The following CSRP1 variants were observed in gnomAD, a reference collection of about 807,000 sequenced individuals.
CSRP1 encodes the protein cysteine and glycine-rich protein 1.
CSRP1 carries 16 observed loss-of-function variants against 25.4 expected under a neutral mutation model. The observed-to-expected ratio is 0.63, with a 90% CI of 0.43 to 0.96. The LOEUF is 0.96. CSRP1 is among the 40% of genes least tolerant of loss of function. The pLI is 0.00. For synonymous variants in CSRP1, 97 were observed against 95.3 expected, an observed-to-expected ratio of 1.02 and a Z score of -0.10; for missense variants, 212 against 243.6, an observed-to-expected ratio of 0.87 and a Z score of 0.86.
chr1:201,496,009 G>T, intron 2 of CSRP1, 183 bp downstream of exon 2: 1 of 560,714 alleles, frequency 1.8e-6, no homozygotes, highest in Non-Finnish European at 3.2e-6. Context: ...CCCTTAGAAA[G>T]AAGCTTCTGA....
At chr1:201,494,509 T>A (rs1210751582) in intron 2 of CSRP1, among the ~76,000 whole-genome samples, 1 of 152,204 alleles carries the variant, frequency 6.6e-6, no homozygotes, top group African/African-American at 2.4e-5. Context: ...TAAACCTTGT[T>A]TACTCCCCAT....
intron 5 of CSRP1, among the ~76,000 whole-genome samples, 164 bp downstream of exon 5, chr1:201,485,119 C>T (rs570220193): frequency 2.0e-5 from 3 of 151,962 alleles, no homozygotes; most frequent in South Asian, 2.1e-4. Flanking sequence ...TTGCTTTCCC[C>T]CTCTGGTCTT....
At position 201,490,232 on chromosome 1, in the gene CSRP1, C is replaced by G. The variant is rs1472460805; in HGVS notation, c.225G>C (p.Gln75His). The change falls in exon 3 of 6, where the codon CAG becomes CAC. Residue 75 changes from glutamine to histidine, a missense_variant. Coordinates refer to ENST00000340006, the MANE Select transcript of CSRP1 (RefSeq NM_004078.3). ...KYGPKGYGYG[Q>H]GAGTLSTDKG... ...TGTCAGTGCTGAGGGTGCCTGCGCC[C>G]TGCCCGTAGCCATAGCCTTTGGGCC... The G allele has an allele frequency of 6.2e-7, 1 of 1,614,198 alleles. No individual in the cohort carries two copies. The highest frequency in any genetic ancestry group is 2.2e-5 in the East Asian group (1 of 44,874).
At chr1:201,498,404 G>A (rs1373665225) in intron 1 of CSRP1, among the ~76,000 whole-genome samples, 2 of 152,222 alleles carry the variant, frequency 1.3e-5, no homozygotes, top group African/African-American at 4.8e-5. Flanking sequence ...GGGAAATAAA[G>A]GGGCTGGGAG....
chr1:201,501,730 C>G (rs2102415588), intron 1 of CSRP1, among the ~76,000 whole-genome samples: 1 of 152,292 alleles, frequency 6.6e-6, no homozygotes, highest in African/African-American at 2.4e-5. Context: ...TGGTGGCTCA[C>G]GCCTGTAATC....
intron 1 of CSRP1, among the ~76,000 whole-genome samples, chr1:201,502,658 T>A (rs1165477912): frequency 6.6e-6 from 1 of 152,200 alleles, no homozygotes; most frequent in South Asian, 2.1e-4. Context: ...CCAGGCCCCA[T>A]GGGCCTCCAG....
At position 201,489,634 on chromosome 1, in the gene CSRP1, A is replaced by T. The variant is rs1664267000; in HGVS notation, c.281+542T>A. On this transcript the variant is annotated intron_variant, in intron 3 of 5. Transcript: ENST00000340006. ...CGACACTCACTAGCCGTGGGACCCC[A>T]GGCAAGTCACTGAGCCTGGGCTGGA... 6 of 155,564 alleles carry T rather than the reference A, an allele frequency of 3.9e-5. No homozygotes were observed. In the South Asian group the frequency reaches 1.2e-3, roughly 31 times the overall value. The allele number at this position is 155,564 out of a possible 1,614,324, so 9.6% of individuals were successfully genotyped here. A position where few individuals can be genotyped will look rare whatever the true frequency, so the allele number is the denominator to read the frequency against.
At chr1:201,485,182 C>A in intron 5 of CSRP1, 101 bp downstream of exon 5, 2 of 1,006,194 alleles carry the variant, frequency 2.0e-6, no homozygotes. Context: ...GATCTTGGAT[C>A]CCAAGGCCAG....
Position 201,483,787 on chromosome 1 carries a change from G to A in CSRP1, c.*926C>T. ...CTTGGGTTAAAGGGAAGATTCTGAG[G>A]TCTCAGGGCAAAGGGAAAGGTGTTT... On this transcript the variant is annotated 3_prime_UTR_variant, in exon 6 of 6. Coordinates refer to ENST00000340006, the MANE Select transcript of CSRP1 (RefSeq NM_004078.3). 2.0e-6 allele frequency: 1 copy of A among 493,696 alleles called. No individual in the cohort carries two copies. The highest frequency in any genetic ancestry group is 3.7e-6 in the Non-Finnish European group (1 of 271,928). The allele number at this position is 493,696 out of a possible 1,614,324, so 30.6% of individuals were successfully genotyped here.
chr1:201,487,151 C>G (rs1259922448), intron 4 of CSRP1: 1 of 438,988 alleles, frequency 2.3e-6, no homozygotes, highest in East Asian at 9.1e-5. Context: ...GTAGCTCACA[C>G]CTGTAATCCC....
intron 1 of CSRP1, among the ~76,000 whole-genome samples, chr1:201,497,676 A>C (rs1339885948): frequency 1.3e-5 from 2 of 152,176 alleles, no homozygotes. Context: ...GACCTTGGGC[A>C]AGATAGTCAG....
chr1:201,489,095 C>T (rs1344530825), intron 3 of CSRP1, 111 bp from the exon 4 acceptor site: 1 of 1,426,532 alleles, frequency 7.0e-7, no homozygotes, highest in African/African-American at 1.4e-5. Flanking sequence ...GCGCGCAATT[C>T]TCTCTGCCAA....
At chr1:201,502,780 A>G (rs1455464796) in intron 1 of CSRP1, among the ~76,000 whole-genome samples, 1 of 152,048 alleles carries the variant, frequency 6.6e-6, no homozygotes, top group Non-Finnish European at 1.5e-5. Flanking sequence ...AGGGCGGTAT[A>G]TGTCTCTCCC....
At position 201,484,172 on chromosome 1, in the gene CSRP1, C is replaced by T; in HGVS notation, c.*541G>A. The T allele has an allele frequency of 1.7e-6, 1 of 601,174 alleles. No individual in the cohort carries two copies. The highest frequency in any genetic ancestry group is 3.1e-6 in the Non-Finnish European group (1 of 325,526). The allele number at this position is 601,174 out of a possible 1,614,324, so 37.2% of individuals were successfully genotyped here. A position where few individuals can be genotyped will look rare whatever the true frequency, so the allele number is the denominator to read the frequency against. On this transcript the variant is annotated 3_prime_UTR_variant, in exon 6 of 6. Coordinates refer to ENST00000340006, the MANE Select transcript of CSRP1 (RefSeq NM_004078.3). ...GGCTCCTAGGACCCTGCCTGCATGC[C>T]TCTCTGCCTCCAATAGTGACTCCCT...
chr1:201,492,668 C>G (rs1185410368), intron 2 of CSRP1: 2 of 152,190 alleles, frequency 1.3e-5, no homozygotes, highest in African/African-American at 4.8e-5. Flanking sequence ...GCCCCCTTGC[C>G]CCACTCAGAA....
intron 4 of CSRP1, chr1:201,486,592 C>A: frequency 1.0e-6 from 1 of 994,334 alleles, no homozygotes; most frequent in Non-Finnish European, 1.2e-6. Flanking sequence ...CTCTGTAAAG[C>A]AGGGGCTGCT....
chr1:201,500,160 T>C (rs1010686006), intron 1 of CSRP1, among the ~76,000 whole-genome samples: 2 of 152,172 alleles, frequency 1.3e-5, no homozygotes, highest in Non-Finnish European at 2.9e-5. Flanking sequence ...AATACATCAG[T>C]GCTGGCCCTC....
intron 1 of CSRP1, among the ~76,000 whole-genome samples, chr1:201,501,374 G>T (rs1391563148): frequency 6.6e-6 from 1 of 152,188 alleles, no homozygotes; most frequent in Non-Finnish European, 1.5e-5. Flanking sequence ...GCCCTTCTTT[G>T]GGGTTTAGCT....
At chr1:201,489,237 C>T (rs1664250279) in intron 3 of CSRP1, 1 of 364,430 alleles carries the variant, frequency 2.7e-6, no homozygotes, top group Non-Finnish European at 5.1e-6. Context: ...AATCATTTAA[C>T]ACCCCATTTG....
Sources: gnomAD v4.1 joint callset for allele counts (sites outside exome capture counted in the v4.1 genomes callset) on GRCh38, gnomAD v4.1.1 for gene constraint, MANE v1.5 for transcripts, NCBI Gene and HGNC (gene_info 2026-07-23, HGNC 2026-07-21) for gene names.